The following NXPE2 variants were observed in gnomAD, a reference collection of about 807,000 sequenced individuals.
NXPE2 encodes the protein NXPE family member 2.
In NXPE2, 34 loss-of-function variants were observed where a neutral mutation model predicts 34.4. That is an observed-to-expected ratio of 0.99 (90% CI 0.75 to 1.31). NXPE2 has a LOEUF of 1.31. NXPE2 is among the 40% of genes most tolerant of loss of function. The pLI, the probability that NXPE2 is intolerant of heterozygous loss-of-function variation, is 0.00. For missense variants in NXPE2, 649 were observed against 672.5 expected (o/e 0.97, Z 0.39); for synonymous variants, 235 against 231.3 (o/e 1.02, Z -0.15).
At chr11:114,686,489 G>A (rs1030471457) in intron 2 of NXPE2, among the ~76,000 whole-genome samples, 4 of 152,086 alleles carry the variant, frequency 2.6e-5, no homozygotes, top group Non-Finnish European at 5.9e-5. Flanking sequence ...TGGTGTATAT[G>A]TACCATATTT....
chr11:114,634,122 CTGT>C, the NXPE2 span, among the ~76,000 whole-genome samples: 2 of 151,518 alleles, frequency 1.3e-5, no homozygotes, highest in Non-Finnish European at 2.9e-5. Context: ...TCTCCAGCAC[CTGT>C]TGTTTCCTGA....
At chr11:114,596,992 A>C in the NXPE2 span, among the ~76,000 whole-genome samples, 1 of 152,218 alleles carries the variant, frequency 6.6e-6, no homozygotes, top group Non-Finnish European at 1.5e-5. Flanking sequence ...TTTGATCTCT[A>C]ACACTGTGTG....
chr11:114,578,354 T>G, the NXPE2 span, among the ~76,000 whole-genome samples: 1 of 152,194 alleles, frequency 6.6e-6, no homozygotes. Context: ...TATGACAAAT[T>G]AAAAGATGAG....
the NXPE2 span, among the ~76,000 whole-genome samples, chr11:114,639,055 G>T: frequency 6.6e-6 from 1 of 152,058 alleles, no homozygotes; most frequent in Admixed American, 6.6e-5. Flanking sequence ...GTTTGTCTGT[G>T]CCCTGCCCCC....
the NXPE2 span, among the ~76,000 whole-genome samples, chr11:114,652,314 C>T: frequency 4.1e-3 from 627 of 152,266 alleles, 2 homozygotes; most frequent in Middle Eastern, 6.8e-3. Flanking sequence ...TCCTTCCTAC[C>T]CCTTTGGAAA....
chr11:114,557,300 G>C, the NXPE2 span, among the ~76,000 whole-genome samples: 1 of 151,782 alleles, frequency 6.6e-6, no homozygotes, highest in Non-Finnish European at 1.5e-5. Context: ...CTCTATTTTG[G>C]AAATTTCAAT....
the NXPE2 span, among the ~76,000 whole-genome samples, chr11:114,663,638 A>T: frequency 2.6e-4 from 2 of 7,796 alleles, no homozygotes; most frequent in East Asian, 0.017. Flanking sequence ...TCTATCTATC[A>T]TCTATCCATC....
the NXPE2 span, among the ~76,000 whole-genome samples, chr11:114,619,354 C>G: frequency 3.3e-5 from 5 of 151,884 alleles, no homozygotes; most frequent in African/African-American, 1.2e-4. Flanking sequence ...CCACTGTTAC[C>G]CGGTAGATAA....
the NXPE2 span, among the ~76,000 whole-genome samples, chr11:114,719,508 G>A: frequency 3.9e-5 from 6 of 152,344 alleles, no homozygotes; most frequent in African/African-American, 1.4e-4. Flanking sequence ...CTTGGTGGAC[G>A]TTTGCCCGTT....
chr11:114,581,819 G>A, the NXPE2 span: 3 of 1,463,766 alleles, frequency 2.0e-6, no homozygotes, highest in African/African-American at 4.2e-5. Context: ...TTAATCTGTA[G>A]GTGGCCTCAA....
the NXPE2 span, chr11:114,528,916 G>T: frequency 3.7e-6 from 2 of 547,922 alleles, no homozygotes; most frequent in Admixed American, 4.9e-5. Flanking sequence ...GAGATTTGAT[G>T]AGATGTACCA....
At chr11:114,727,698 GAAATTATTT>G in the NXPE2 span, among the ~76,000 whole-genome samples, 21 of 150,478 alleles carry the variant, frequency 1.4e-4, no homozygotes, top group Admixed American at 1.3e-3. Context: ...TTCTATTTCA[GAAATTATTT>G]ACTGGCTTAC....
the NXPE2 span, among the ~76,000 whole-genome samples, chr11:114,468,679 G>A: frequency 1.3e-5 from 2 of 152,128 alleles, no homozygotes; most frequent in African/African-American, 2.4e-5. Context: ...AAAATGCACA[G>A]GTTAGTCCCC....
chr11:114,546,058 G>T, the NXPE2 span, among the ~76,000 whole-genome samples: 1 of 152,164 alleles, frequency 6.6e-6, no homozygotes, highest in South Asian at 2.1e-4. Flanking sequence ...GTAGAACACA[G>T]TGTTTTAACT....
chr11:114,571,477 A>T, the NXPE2 span: 80 of 1,589,716 alleles, frequency 5.0e-5, no homozygotes, highest in African/African-American at 1.7e-4. Flanking sequence ...TTCAGTGCTG[A>T]TAACAAATAG....
upstream of NXPE2, among the ~76,000 whole-genome samples, chr11:114,677,386 G>A (rs1266012287): frequency 6.6e-6 from 1 of 151,992 alleles, no homozygotes; most frequent in African/African-American, 2.4e-5. Flanking sequence ...ATTATACACT[G>A]TAAACACATA....
At chr11:114,811,397 A>AC in the NXPE2 span, among the ~76,000 whole-genome samples, 1 of 151,994 alleles carries the variant, frequency 6.6e-6, no homozygotes, top group Non-Finnish European at 1.5e-5. Context: ...CCACACACAC[A>AC]AAAAAAAGGT....
the NXPE2 span, among the ~76,000 whole-genome samples, chr11:114,800,720 G>A: frequency 6.6e-6 from 1 of 152,148 alleles, no homozygotes; most frequent in African/African-American, 2.4e-5. Flanking sequence ...TTTACTTACT[G>A]TGTAATCTTG....
chr11:114,533,754 G>T, the NXPE2 span, among the ~76,000 whole-genome samples: 1 of 152,358 alleles, frequency 6.6e-6, no homozygotes, highest in South Asian at 2.1e-4. Flanking sequence ...ACCCACCATT[G>T]CTCAGGCTTG....
Sources: gnomAD v4.1 joint callset for allele counts (sites outside exome capture counted in the v4.1 genomes callset) on GRCh38, gnomAD v4.1.1 for gene constraint, MANE v1.5 for transcripts, NCBI Gene and HGNC (gene_info 2026-07-23, HGNC 2026-07-21) for gene names.